The following HAGHL variants were observed in gnomAD, a reference collection of about 807,000 sequenced individuals.
HAGHL encodes the protein hydroxyacylglutathione hydrolase like.
HAGHL carries 27 observed loss-of-function variants against 29.2 expected under a neutral mutation model. That is an observed-to-expected ratio of 0.92 (90% CI 0.68 to 1.27). The LOEUF (loss-of-function observed/expected upper bound fraction) is 1.27. HAGHL is among the 50% of genes most tolerant of loss of function. The probability of loss-of-function intolerance (pLI) is 0.00; values close to 1 mark genes in which losing one functional copy is unlikely to be tolerated. For missense variants in HAGHL, 529 were observed against 405.5 expected, an observed-to-expected ratio of 1.30 and a Z score of -2.62; for synonymous variants, 223 against 185.7, an observed-to-expected ratio of 1.20 and a Z score of -1.63.
chr16:727,783 C>G (rs2041085504), intron 1 of HAGHL, 169 bp downstream of exon 1: 2 of 745,576 alleles, frequency 2.7e-6, no homozygotes. Context: ...CTGGCCTCCG[C>G]CCTTTCGCTG....
In HAGHL at chr16:727,470, C is replaced by A; in HGVS notation, c.-40C>A. The A allele has an allele frequency of 2.4e-6, 3 of 1,262,508 alleles. No individual in the cohort carries two copies. Among genetic ancestry groups the A allele is most frequent in the Non-Finnish European group, 2.3e-6 (2 of 876,838 alleles). The allele number at this position is 1,262,508 out of a possible 1,614,324, so 78.2% of individuals were successfully genotyped here. On this transcript the variant is annotated 5_prime_UTR_variant, in exon 1 of 8. Coordinates refer to ENST00000389703, the MANE Select transcript of HAGHL (RefSeq NM_032304.4). ...TGAAGGGGCACCGTGGGCTGGGGGG[C>A]CTGTTTTGGAGCAGGCACCGGTGGC...
At chr16:729,109 G>C in intron 7 of HAGHL, 21 bp downstream of exon 7, 1 of 1,605,504 alleles carries the variant, frequency 6.2e-7, no homozygotes. Flanking sequence ...CTGTTGTCCC[G>C]GGGCCTCCAC....
chr16:728,464 G>A lies in HAGHL; in HGVS notation c.397+40G>A, dbSNP rs557820854. 4.7e-3 allele frequency: 5,576 copies of A among 1,178,180 alleles called. 17 individuals are homozygous for A. The highest frequency in any genetic ancestry group is 5.7e-3 in the Non-Finnish European group (5,273 of 919,902). 73.0% of individuals were successfully genotyped at this position (1,178,180 alleles called of 1,614,324 possible). A position where few individuals can be genotyped will look rare whatever the true frequency, so the allele number is the denominator to read the frequency against. ...GAGCGCGCCCACCCCGCCTCCCGCC[G>A]GCCCCGCCCCATCTGCTCTGACCCG... On this transcript the variant is annotated intron_variant, in intron 4 of 7. Transcript: ENST00000389703.
chr16:728,188 CAT>C lies in HAGHL; in HGVS notation c.244_245del (p.Ile82LeufsTer95). ...TGGCGGTGCTGGGCGCGGACGAGCG[CAT>C]CTTCTCGCTGACGCGCAGGCTGGCG... ...GLAVLGADER[I>X]FSLTRRLAHG... is the part of the protein sequence containing the mutation. On this transcript the variant is annotated frameshift_variant, in exon 3 of 8. Coordinates refer to ENST00000389703, the MANE Select transcript of HAGHL (RefSeq NM_032304.4). LOFTEE classifies it high-confidence loss of function. The C allele has an allele frequency of 6.9e-7, 1 of 1,455,344 alleles. No individual in the cohort carries two copies. The highest frequency in any genetic ancestry group is 2.9e-5 in the East Asian group (1 of 34,738). The allele number at this position is 1,455,344 out of a possible 1,614,324, so 90.2% of individuals were successfully genotyped here.
Position 728,347 on chromosome 16 carries a change from C to T in HAGHL, c.320C>T (p.Thr107Met). 3 of 1,572,244 alleles carry T rather than the reference C, an allele frequency of 1.9e-6. No individual in the cohort carries two copies. Among genetic ancestry groups the T allele is most frequent in the South Asian group, 1.2e-5 (1 of 86,294 alleles). The change falls in exon 4 of 8, where the codon ACG becomes ATG. Residue 107 changes from threonine to methionine, a missense_variant. Coordinates refer to ENST00000389703, the MANE Select transcript of HAGHL (RefSeq NM_032304.4). ...GCCATCCACGTGCGTTGCCTCCTGACGCCCGGCCACACCGCCGGCCACATG... is the reference window on the plus strand; with the variant it reads ...GCCATCCACGTGCGTTGCCTCCTGATGCCCGGCCACACCGCCGGCCACATG... ...FGAIHVRCLL[T>M]PGHTAGHMSY...
At position 727,413 on chromosome 16, in the gene HAGHL, C is replaced by T. The variant is rs894404657; in HGVS notation, c.-97C>T. The T allele has an allele frequency of 9.0e-6, 6 of 670,204 alleles. No homozygotes were observed. Among genetic ancestry groups the T allele is most frequent in the South Asian group, 1.8e-5 (1 of 55,250 alleles). 41.5% of individuals were successfully genotyped at this position (670,204 alleles called of 1,614,324 possible). ...GTTGACCGAGCCCGCTTCGCACAGC[C>T]CTTCCTAGGGTGTGGAGAGCGGGCC... On this transcript the variant is annotated 5_prime_UTR_variant, in exon 1 of 8. Coordinates refer to ENST00000389703, the MANE Select transcript of HAGHL (RefSeq NM_032304.4).
intron 6 of HAGHL, 33 bp downstream of exon 6, chr16:728,928 G>A: frequency 6.4e-6 from 8 of 1,241,692 alleles, no homozygotes; most frequent in Non-Finnish European, 8.8e-6. Context: ...GCAAGAGGGT[G>A]GGGGGGGAGG....
In HAGHL at chr16:728,499, G is replaced by A. The variant is rs1278868467; in HGVS notation, c.398-5G>A. On this transcript the variant is annotated splice_region_variant and splice_polypyrimidine_tract_variant and intron_variant, in intron 4 of 7. Transcript: ENST00000389703. The stretch of plus-strand genomic sequence containing the variant: ...CATCTGCTCTGACCCGCCCTCCCCC[G>A]CCAGGCGACGCGCTGTCGGTGGCCG... The A allele has an allele frequency of 8.6e-6, 11 of 1,274,352 alleles. No individual in the cohort carries two copies. The highest frequency in any genetic ancestry group is 1.0e-5 in the Non-Finnish European group (10 of 987,366). The allele number at this position is 1,274,352 out of a possible 1,614,324, so 78.9% of individuals were successfully genotyped here. A position where few individuals can be genotyped will look rare whatever the true frequency, so the allele number is the denominator to read the frequency against.
chr16:729,596 G>A lies in HAGHL; in HGVS notation c.*140G>A. On this transcript the variant is annotated 3_prime_UTR_variant, in exon 8 of 8. Transcript: ENST00000389703. ...CCCAGCCTCGGAGGGTGGGCAACCT[G>A]GTGCTTCCCGGGTGGACACACAGGA... 1.3e-6 allele frequency: 2 copies of A among 1,530,382 alleles called. No individual in the cohort carries two copies. Among genetic ancestry groups the A allele is most frequent in the Non-Finnish European group, 8.7e-7 (1 of 1,144,820 alleles). 94.8% of individuals were successfully genotyped at this position (1,530,382 alleles called of 1,614,324 possible). A position where few individuals can be genotyped will look rare whatever the true frequency, so the allele number is the denominator to read the frequency against.
chr16:728,932 G>T, intron 6 of HAGHL, 37 bp downstream of exon 6: 9 of 1,039,348 alleles, frequency 8.7e-6, no homozygotes, highest in Non-Finnish European at 1.1e-5. Context: ...GAGGGTGGGG[G>T]GGGAGGGAAC....
chr16:727,458 T>A lies in HAGHL; in HGVS notation c.-52T>A. 3 of 1,130,684 alleles carry A rather than the reference T, an allele frequency of 2.7e-6. No individual in the cohort carries two copies. The allele number at this position is 1,130,684 out of a possible 1,614,324, so 70.0% of individuals were successfully genotyped here. On this transcript the variant is annotated 5_prime_UTR_variant, in exon 1 of 8. Transcript: ENST00000389703. Reference sequence around the variant, plus strand: ...CGGGCCCCGCCCTGAAGGGGCACCGTGGGCTGGGGGGCCTGTTTTGGAGCA... The same window carrying A: ...CGGGCCCCGCCCTGAAGGGGCACCGAGGGCTGGGGGGCCTGTTTTGGAGCA...
rs946152159 is a variant in HAGHL, at chr16:729,084, G to C, written c.676G>C (p.Val226Leu). The change falls in exon 7 of 8, where the codon GTG (valine) becomes CTG (leucine). Residue 226 changes from valine (V) to leucine (L), a missense_variant. Val to Leu is a conservative substitution (Grantham distance 32, BLOSUM62 1). Coordinates refer to ENST00000389703, the MANE Select transcript of HAGHL (RefSeq NM_032304.4). ...GCGCCTCTACAACCCCTTCCTGCGGGTGGCGTGAGTATGGCTGTTGTCCCG... is the reference window on the plus strand; with the variant it reads ...GCGCCTCTACAACCCCTTCCTGCGGCTGGCGTGAGTATGGCTGTTGTCCCG... ...EERLYNPFLR[V>L]AEEPVRKFTG... 20 of 1,608,732 alleles carry C rather than the reference G, an allele frequency of 1.2e-5. No individual in the cohort carries two copies. The highest frequency in any genetic ancestry group is 1.6e-5 in the Non-Finnish European group (19 of 1,179,848).
At chr16:728,458 C>G (rs1258841761) in intron 4 of HAGHL, 34 bp downstream of exon 4, 1 of 1,496,224 alleles carries the variant, frequency 6.7e-7, no homozygotes, top group Non-Finnish European at 9.0e-7. Context: ...CACCCCGCCT[C>G]CCGCCGGCCC....
At position 728,901 on chromosome 16, in the gene HAGHL, G is replaced by C. The variant is rs904313392; in HGVS notation, c.600+6G>C. 1.2e-5 allele frequency: 14 copies of C among 1,122,950 alleles called. No individual in the cohort carries two copies. The highest frequency in any genetic ancestry group is 1.6e-5 in the Non-Finnish European group (13 of 815,628). The allele number at this position is 1,122,950 out of a possible 1,614,324, so 69.6% of individuals were successfully genotyped here. On this transcript the variant is annotated splice_donor_region_variant and intron_variant, in intron 6 of 7. Coordinates refer to ENST00000389703, the MANE Select transcript of HAGHL (RefSeq NM_032304.4). ...CCAAGCTGTCCTGGGCTAAGGCACG[G>C]CCCCTTTCCCGCCGCGGCAAGAGGG...
chr16:728,360 C>T lies in HAGHL; in HGVS notation c.333C>T (p.Thr111=), dbSNP rs745365910. The change falls in exon 4 of 8, where the codon ACC becomes ACT. Residue 111 remains threonine, a synonymous_variant. Coordinates refer to ENST00000389703, the MANE Select transcript of HAGHL (RefSeq NM_032304.4). ...GTTGCCTCCTGACGCCCGGCCACAC[C>T]GCCGGCCACATGAGCTACTTCCTGT... ...HVRCLLTPGH[T]AGHMSYFLWE... 56 of 1,577,752 alleles carry T rather than the reference C, an allele frequency of 3.5e-5. No homozygotes were observed. Among genetic ancestry groups the T allele is most frequent in the Non-Finnish European group, 4.3e-5 (50 of 1,165,932 alleles).
rs747770901 is a variant in HAGHL at position 727,962 on chromosome 16, C to T, written c.106-3C>T. 3 of 1,607,602 alleles carry T rather than the reference C, an allele frequency of 1.9e-6. No individual in the cohort carries two copies. Among genetic ancestry groups the T allele is most frequent in the Non-Finnish European group, 2.5e-6 (3 of 1,178,082 alleles). ...GTGTTACCGTCACTCCCGTCCCTTT[C>T]AGCTGCTGGAGATCGTGGGCCGGGA... On this transcript the variant is annotated splice_polypyrimidine_tract_variant and splice_region_variant and intron_variant, in intron 1 of 7. Transcript: ENST00000389703.
Position 727,199 on chromosome 16 carries a change from G to T in HAGHL, c.-311G>T. On this transcript the variant is annotated 5_prime_UTR_variant, in exon 1 of 8. Coordinates refer to ENST00000389703, the MANE Select transcript of HAGHL (RefSeq NM_032304.4). The stretch of plus-strand genomic sequence containing the variant: ...GGGTCAGGGGTCTTGCGGCGGCAGG[G>T]CGGGGGGCCGAGGGGCGGGGCCTGG... The T allele has an allele frequency of 3.5e-6, 1 of 283,358 alleles. No individual in the cohort carries two copies. 17.6% of individuals were successfully genotyped at this position (283,358 alleles called of 1,614,324 possible). A position where few individuals can be genotyped will look rare whatever the true frequency, so the allele number is the denominator to read the frequency against.
Position 729,146 on chromosome 16 carries a change from C to T in HAGHL, c.680+58C>T, listed in dbSNP as rs758103409. On this transcript the variant is annotated intron_variant, in intron 7 of 7. Coordinates refer to ENST00000389703, the MANE Select transcript of HAGHL (RefSeq NM_032304.4). ...GTTACGTGGACCCTTAGGAAGGCAT[C>T]TGGGGACTGCGTGTTGGGCTGAGTG... 7.6e-5 allele frequency: 121 copies of T among 1,594,836 alleles called. 1 individual carries two copies. Among genetic ancestry groups the T allele is most frequent in the Non-Finnish European group, 1.0e-4 (121 of 1,173,278 alleles).
rs771502891 is a variant in HAGHL at position 727,964 on chromosome 16, G to A, written c.106-1G>A. ...GTTACCGTCACTCCCGTCCCTTTCA[G>A]CTGCTGGAGATCGTGGGCCGGGAGG... is the stretch of plus-strand genomic sequence containing the variant. On this transcript the variant is annotated splice_acceptor_variant, in intron 1 of 7. Coordinates refer to ENST00000389703, the MANE Select transcript of HAGHL (RefSeq NM_032304.4). LOFTEE classifies it high-confidence loss of function. The A allele has an allele frequency of 1.2e-6, 2 of 1,607,522 alleles. No homozygotes were observed. Among genetic ancestry groups the A allele is most frequent in the Non-Finnish European group, 1.7e-6 (2 of 1,178,072 alleles).
Sources: gnomAD v4.1 joint callset for allele counts on GRCh38, gnomAD v4.1.1 for gene constraint, MANE v1.5 for transcripts, NCBI Gene and HGNC (gene_info 2026-07-23, HGNC 2026-07-21) for gene names.